TAT: variants seen among roughly 807,000 people sequenced by gnomAD.
TAT encodes the protein L-tyrosine:2-oxoglutarate aminotransferase.
A neutral mutation model predicts 53.6 loss-of-function variants in TAT; 35 were observed. The observed-to-expected ratio is 0.65, with a 90% CI of 0.50 to 0.87. The LOEUF (loss-of-function observed/expected upper bound fraction) is 0.87. TAT is among the 40% of genes least tolerant of loss of function. The pLI, the probability that TAT is intolerant of heterozygous loss-of-function variation, is 0.00. For synonymous variants in TAT, 197 were observed against 206.5 expected, an observed-to-expected ratio of 0.95 and a Z score of 0.39; for missense variants, 525 against 571.8, an observed-to-expected ratio of 0.92 and a Z score of 0.83.
chr16:71,570,655 CA>C (rs1315677706), intron 8 of TAT, 23 bp downstream of exon 8: 1 of 1,614,068 alleles, frequency 6.2e-7, no homozygotes, highest in African/African-American at 1.3e-5. Context: ...CTAAATTACA[CA>C]TACTCTTTCA....
chr16:71,568,689 C>A, intron 11 of TAT, 22 bp downstream of exon 11: 1 of 1,600,528 alleles, frequency 6.2e-7, no homozygotes. Flanking sequence ...TTGAGAATGT[C>A]CTGAGGGACA....
chr16:71,576,185 G>A lies in TAT; in HGVS notation c.231C>T (p.Ser77=). 6.2e-7 allele frequency: 1 copy of A among 1,613,838 alleles called. No individual in the cohort carries two copies. The highest frequency in any genetic ancestry group is 1.1e-5 in the South Asian group (1 of 91,018). The change falls in exon 2 of 12, where the codon TCC becomes TCT. Residue 77 remains serine (S), a synonymous_variant. Transcript: ENST00000355962. ...PNPNKTMISL[S]IGDPTVFGNL... The stretch of plus-strand genomic sequence containing the variant: ...TCAGTAGTGTCCCCAACTCACCAAT[G>A]GACAGGGAAATCATGGTTTTGTTTG...
In TAT at chr16:71,576,395, C is replaced by A. The variant is rs2044235668; in HGVS notation, c.21G>T (p.Gln7His). The stretch of plus-strand genomic sequence containing the variant: ...AGGGGAGGTTGCCTTTGCTGCTCAT[C>A]TGAATCATGTATGGGTCCATCACTA... MDPYMI[Q>H]MSSKGNLPSI... The change falls in exon 2 of 12, where the codon CAG (glutamine) becomes CAT (histidine). Residue 7 changes from glutamine (Q) to histidine (H), a missense_variant. By Grantham distance (24) the Gln-to-His change is conservative (BLOSUM62 0). Coordinates refer to ENST00000355962, the MANE Select transcript of TAT (RefSeq NM_000353.3). The A allele has an allele frequency of 6.2e-7, 1 of 1,614,036 alleles. No individual in the cohort carries two copies. The highest frequency in any genetic ancestry group is 8.5e-7 in the Non-Finnish European group (1 of 1,180,040).
Position 71,570,921 on chromosome 16 carries a change from C to T in TAT, c.760-90G>A, listed in dbSNP as rs905646506. ...GGCTCCCACCCATTTCCTTCTATCA[C>T]TAGGGACAGGTCCTTGGATTAATGG... On this transcript the variant is annotated intron_variant, in intron 7 of 11. Coordinates refer to ENST00000355962, the MANE Select transcript of TAT (RefSeq NM_000353.3). 4 of 1,494,232 alleles carry T rather than the reference C, an allele frequency of 2.7e-6. No individual in the cohort carries two copies. In the African/African-American group the frequency reaches 4.2e-5, roughly 16 times the overall value. The allele number at this position is 1,494,232 out of a possible 1,614,324, so 92.6% of individuals were successfully genotyped here. A position where few individuals can be genotyped will look rare whatever the true frequency, so the allele number is the denominator to read the frequency against.
intron 4 of TAT, 128 bp downstream of exon 4, chr16:71,573,411 A>G: frequency 1.2e-6 from 1 of 858,342 alleles, no homozygotes; most frequent in Non-Finnish European, 1.9e-6. Flanking sequence ...AAGTCTTCTA[A>G]TTGCTAAAGG....
chr16:71,567,949 A>G lies in TAT; in HGVS notation c.*195T>C. The G allele has an allele frequency of 1.5e-6, 1 of 646,476 alleles. No individual in the cohort carries two copies. The highest frequency in any genetic ancestry group is 2.8e-6 in the Non-Finnish European group (1 of 361,432). The allele number at this position is 646,476 out of a possible 1,614,324, so 40.0% of individuals were successfully genotyped here. A position where few individuals can be genotyped will look rare whatever the true frequency, so the allele number is the denominator to read the frequency against. On this transcript the variant is annotated 3_prime_UTR_variant, in exon 12 of 12. Coordinates refer to ENST00000355962, the MANE Select transcript of TAT (RefSeq NM_000353.3). The stretch of plus-strand genomic sequence containing the variant: ...ACTCTAGCAGCGCAGAGCAAGGGAG[A>G]ATCTGCGATGTGAATGAGGAGGATC...
intron 3 of TAT, chr16:71,575,639 A>G: frequency 2.1e-6 from 1 of 479,390 alleles, no homozygotes; most frequent in South Asian, 2.1e-5. Flanking sequence ...GATTAGAATT[A>G]GTAATGATAG....
Position 71,568,207 on chromosome 16 carries a change from G to A in TAT, c.1302C>T (p.Ile434=). 4 of 1,614,166 alleles carry A rather than the reference G, an allele frequency of 2.5e-6. No homozygotes were observed. Among genetic ancestry groups the A allele is most frequent in the Non-Finnish European group, 3.4e-6 (4 of 1,180,026 alleles). ...GGTAGTGCTGCTCACAGAACTCCTG[G>A]ATCCGGCTGCACGCCTCCAGCATCA... The part of the protein sequence containing the change: ...EVMMLEACSR[I]QEFCEQHYHC... The change falls in exon 12 of 12, where the codon ATC becomes ATT. Residue 434 remains isoleucine, a synonymous_variant. Transcript: ENST00000355962.
intron 10 of TAT, among the ~76,000 whole-genome samples, 156 bp downstream of exon 10, chr16:71,569,698 G>A (rs2044187212): frequency 6.6e-6 from 1 of 152,184 alleles, no homozygotes; most frequent in East Asian, 1.9e-4. Flanking sequence ...TACCTCAGTG[G>A]GACAATTCAG....
chr16:71,569,870 C>T lies in TAT; in HGVS notation c.1109G>A (p.Gly370Glu), dbSNP rs1329758596. ...IPGLRPVRPS[G>E]AMYLMVGIEM... is the part of the protein sequence containing the mutation. ...CATACTCACCATGAGGTACATAGCCCCAGAAGGGCGGACTGGCCGGAGTCC... is the reference window on the plus strand; with the variant it reads ...CATACTCACCATGAGGTACATAGCCTCAGAAGGGCGGACTGGCCGGAGTCC... Residue 370 changes from glycine to glutamate, a missense_variant, in exon 10 of 12, where the codon GGG (glycine) becomes GAG (glutamate). By Grantham distance (98) the Gly-to-Glu change is moderately conservative (BLOSUM62 -2). Transcript: ENST00000355962. 5.0e-6 allele frequency: 8 copies of T among 1,613,700 alleles called. No homozygotes were observed. Among genetic ancestry groups the T allele is most frequent in the Non-Finnish European group, 6.8e-6 (8 of 1,179,950 alleles).
chr16:71,570,394 G>A lies in TAT; in HGVS notation c.916C>T (p.Arg306Ter), dbSNP rs1316166172. 5.0e-6 allele frequency: 8 copies of A among 1,613,964 alleles called. No homozygotes were observed. Among genetic ancestry groups the A allele is most frequent in the Non-Finnish European group, 5.9e-6 (7 of 1,180,040 alleles). The part of the protein sequence containing the change: ...DRRDIFGNEI[R>*]DGLVKLSQRI... ...TGACTCAGCTTCACCAGCCCATCTC[G>A]GATCTAAAAGACACCCACAAGAAAC... The change falls in exon 9 of 12, where the codon CGA becomes TGA. Residue 306 changes from arginine to a stop codon, truncating the protein, a stop_gained. Transcript: ENST00000355962. LOFTEE classifies it high-confidence loss of function.
rs2044165054 is a variant in TAT at position 71,566,653 on chromosome 16, C to T, written c.*1491G>A. On this transcript the variant is annotated 3_prime_UTR_variant, in exon 12 of 12. Coordinates refer to ENST00000355962, the MANE Select transcript of TAT (RefSeq NM_000353.3). ...AAAGGCCAGAGGTTATAACTTACTG[C>T]CTCTTGGTAAGTAGGAAGCCAGAAG... 6.6e-6 allele frequency: 1 copy of T among 151,882 alleles called. No homozygotes were observed. The highest frequency in any genetic ancestry group is 1.5e-5 in the Non-Finnish European group (1 of 67,992). The allele number at this position is 151,882 out of a possible 1,614,324, so 9.4% of individuals were successfully genotyped here.
At chr16:71,571,931 C>A in intron 6 of TAT, 3 of 624,258 alleles carry the variant, frequency 4.8e-6, no homozygotes, top group Non-Finnish European at 8.4e-6. Flanking sequence ...CTATCTTCAA[C>A]GTGATGGGAG....
At position 71,570,661 on chromosome 16, in the gene TAT, C is replaced by G. The variant is rs983651812; in HGVS notation, c.912+18G>C. ...ATATATACCCTAAATTACACATACT[C>G]TTTCACCATATTATCACCTCATTGC... On this transcript the variant is annotated intron_variant, in intron 8 of 11. Coordinates refer to ENST00000355962, the MANE Select transcript of TAT (RefSeq NM_000353.3). The G allele has an allele frequency of 1.2e-6, 2 of 1,614,158 alleles. No homozygotes were observed. Among genetic ancestry groups the G allele is most frequent in the Non-Finnish European group, 8.5e-7 (1 of 1,180,034 alleles).
intron 9 of TAT, 88 bp from the exon 10 acceptor site, chr16:71,570,025 T>G: frequency 7.3e-7 from 1 of 1,374,928 alleles, no homozygotes; most frequent in Non-Finnish European, 1.0e-6. Flanking sequence ...CATTGAAGAG[T>G]GGGAACGTAG....
At position 71,567,724 on chromosome 16, in the gene TAT, C is replaced by A; in HGVS notation, c.*420G>T. On this transcript the variant is annotated 3_prime_UTR_variant, in exon 12 of 12. Transcript: ENST00000355962. ...ATAAGAGAGTTGAGCTTCAGACCTG[C>A]CTGGAGAGAGCGTGTTCTTTCTTAG... 3.6e-6 allele frequency: 1 copy of A among 276,116 alleles called. No individual in the cohort carries two copies. Among genetic ancestry groups the A allele is most frequent in the Non-Finnish European group, 7.1e-6 (1 of 141,694 alleles). The allele number at this position is 276,116 out of a possible 1,614,324, so 17.1% of individuals were successfully genotyped here.
chr16:71,576,409 G>GTATC lies in TAT; in HGVS notation c.6_7insGATA (p.Pro3AspfsTer91). ...TTGCTGCTCATCTGAATCATGTATG[G>GTATC]GTCCATCACTAGCGAAGCCTGCGAG... On this transcript the variant is annotated frameshift_variant, in exon 2 of 12. Transcript: ENST00000355962. LOFTEE classifies it high-confidence loss of function. 6.2e-7 allele frequency: 1 copy of GTATC among 1,614,098 alleles called. No homozygotes were observed. The highest frequency in any genetic ancestry group is 8.5e-7 in the Non-Finnish European group (1 of 1,179,996).
intron 10 of TAT, among the ~76,000 whole-genome samples, 168 bp downstream of exon 10, chr16:71,569,686 A>G (rs2044187155): frequency 6.6e-6 from 1 of 152,202 alleles, no homozygotes; most frequent in African/African-American, 2.4e-5. Context: ...TAGAGGCTAA[A>G]TTACCTCAGT....
intron 3 of TAT, 189 bp downstream of exon 3, chr16:71,575,733 T>A (rs113590395): frequency 3.1e-6 from 2 of 653,502 alleles, no homozygotes; most frequent in Non-Finnish European, 5.4e-6. Flanking sequence ...AGGAAAGAAG[T>A]TGGACCTTGA....
Sources: gnomAD v4.1 joint callset for allele counts (sites outside exome capture counted in the v4.1 genomes callset) on GRCh38, gnomAD v4.1.1 for gene constraint, MANE v1.5 for transcripts, NCBI Gene and HGNC (gene_info 2026-07-23, HGNC 2026-07-21) for gene names.